The following EXOC4 variants were observed in gnomAD, a reference collection of about 807,000 sequenced individuals.
EXOC4 encodes SEC8-like 1.
A neutral mutation model predicts 107.2 loss-of-function variants in EXOC4; 71 were observed. That is an observed-to-expected ratio of 0.66 (90% confidence interval 0.55 to 0.81). The LOEUF is 0.81. EXOC4 is among the 30% of genes least tolerant of loss of function. The pLI, the probability that EXOC4 is intolerant of heterozygous loss-of-function variation, is 0.00. For missense variants in EXOC4, 1,108 were observed against 1,189.6 expected (o/e 0.93, Z 1.01); for synonymous variants, 456 against 441.2 (o/e 1.03, Z -0.42).
chr7:133,588,998 G>A (rs1334195531), intron 9 of EXOC4, among the ~76,000 whole-genome samples: 13 of 151,758 alleles, frequency 8.6e-5, no homozygotes, highest in Admixed American at 7.9e-4. Context: ...ACACACAAAG[G>A]GGACTTCAAA....
At chr7:133,526,964 C>T (rs990057059) in intron 9 of EXOC4, among the ~76,000 whole-genome samples, 2 of 151,212 alleles carry the variant, frequency 1.3e-5, no homozygotes, top group Non-Finnish European at 2.9e-5. Flanking sequence ...GAGCGAGACT[C>T]CGTCTCAAAA....
rs756191473 is a variant in EXOC4 at position 133,997,646 on chromosome 7, C to G, written c.2348+13C>G. ...ATCTGGAAGTGAGGTATGATACAGC[C>G]AAGCCCAGGACCTTGCAATTTGAAT... On this transcript the variant is annotated intron_variant, in intron 15 of 17. Coordinates refer to ENST00000253861, the MANE Select transcript of EXOC4 (RefSeq NM_021807.4). The G allele has an allele frequency of 6.2e-7, 1 of 1,611,354 alleles. No homozygotes were observed. Among genetic ancestry groups the G allele is most frequent in the East Asian group, 2.2e-5 (1 of 44,794 alleles).
intron 1 of EXOC4, among the ~76,000 whole-genome samples, chr7:133,257,269 T>G (rs1562990927): frequency 6.6e-6 from 1 of 152,144 alleles, no homozygotes; most frequent in Non-Finnish European, 1.5e-5. Context: ...TACGTGCTGA[T>G]GTGTGATGTA....
chr7:134,025,108 TC>T (rs754690026), intron 17 of EXOC4, among the ~76,000 whole-genome samples: 108 of 152,314 alleles, frequency 7.1e-4, no homozygotes, highest in Non-Finnish European at 1.3e-3. Context: ...TTTCAATAAT[TC>T]CTTCTCTGCA....
At chr7:134,051,119 T>C (rs1795775821) in intron 17 of EXOC4, among the ~76,000 whole-genome samples, 1 of 152,184 alleles carries the variant, frequency 6.6e-6, no homozygotes, top group South Asian at 2.1e-4. Flanking sequence ...ATTCAGTGGC[T>C]AGGGAGGCCA....
intron 5 of EXOC4, among the ~76,000 whole-genome samples, chr7:133,332,309 G>A (rs1362190627): frequency 1.3e-5 from 2 of 152,150 alleles, no homozygotes; most frequent in African/African-American, 4.8e-5. Context: ...ATTCCATAAA[G>A]TGTTGCTCTG....
At chr7:134,064,065 C>G (rs924669457) in intron 17 of EXOC4, among the ~76,000 whole-genome samples, 2 of 152,144 alleles carry the variant, frequency 1.3e-5, no homozygotes, top group African/African-American at 4.8e-5. Flanking sequence ...TGCGGCCTCC[C>G]TGGGTCCTCA....
chr7:133,464,810 G>GTTTTTTTTTTTTTTTTTTTTT (rs1491525276), intron 7 of EXOC4, among the ~76,000 whole-genome samples: 1 of 105,670 alleles, frequency 9.5e-6, no homozygotes, highest in African/African-American at 3.6e-5. Flanking sequence ...TGGTTGGGTT[G>GTTTTTTTTTTTTTTTTTTTTT]GTTTTTTTTT....
intron 14 of EXOC4, among the ~76,000 whole-genome samples, chr7:133,951,582 CT>C (rs1800692294): frequency 6.6e-6 from 1 of 152,202 alleles, no homozygotes; most frequent in Non-Finnish European, 1.5e-5. Flanking sequence ...TTATTTCCCC[CT>C]ACTCCTGTCC....
chr7:133,405,036 T>C (rs1402194961), intron 7 of EXOC4, among the ~76,000 whole-genome samples: 1 of 152,102 alleles, frequency 6.6e-6, no homozygotes, highest in Admixed American at 6.5e-5. Flanking sequence ...ATCATGCTAC[T>C]CTACTCCAGC....
chr7:134,010,200 CA>C (rs1202959506), intron 17 of EXOC4: 9 of 152,204 alleles, frequency 5.9e-5, no homozygotes, highest in African/African-American at 2.2e-4. Context: ...GTGCCTCTAC[CA>C]AAGTAAGTGT....
the EXOC4 span, among the ~76,000 whole-genome samples, chr7:134,075,628 C>G: frequency 6.6e-6 from 1 of 152,162 alleles, no homozygotes; most frequent in Non-Finnish European, 1.5e-5. Flanking sequence ...TGGGTCCCTC[C>G]CACCACACGT....
At chr7:133,424,298 C>T (rs980853460) in intron 7 of EXOC4, among the ~76,000 whole-genome samples, 1 of 152,206 alleles carries the variant, frequency 6.6e-6, no homozygotes, top group South Asian at 2.1e-4. Context: ...AGTTGTGCAC[C>T]TTCACTCCTG....
chr7:133,591,719 TGA>T (rs1801551816), intron 9 of EXOC4, among the ~76,000 whole-genome samples: 1 of 152,122 alleles, frequency 6.6e-6, no homozygotes, highest in East Asian at 1.9e-4. Flanking sequence ...TCTGCAGAAG[TGA>T]GTTTCTTCAG....
chr7:133,628,790 T>C (rs1407791841), intron 9 of EXOC4, among the ~76,000 whole-genome samples: 3 of 152,138 alleles, frequency 2.0e-5, no homozygotes, highest in Non-Finnish European at 4.4e-5. Flanking sequence ...TAAGGACCAT[T>C]TGAGGAAAGA....
At chr7:133,294,034 C>T (rs540310468) in intron 3 of EXOC4, among the ~76,000 whole-genome samples, 1 of 152,262 alleles carries the variant, frequency 6.6e-6, no homozygotes, top group East Asian at 1.9e-4. Context: ...GCCAGTGAAG[C>T]GTGTTTCAAA....
intron 10 of EXOC4, among the ~76,000 whole-genome samples, chr7:133,713,645 G>A (rs1232988689): frequency 2.6e-5 from 4 of 152,184 alleles, no homozygotes; most frequent in South Asian, 2.1e-4. Flanking sequence ...GGAGAGACCA[G>A]GTGGAGGTAA....
chr7:133,283,621 A>T (rs1447847009), intron 2 of EXOC4, among the ~76,000 whole-genome samples: 1 of 151,972 alleles, frequency 6.6e-6, no homozygotes, highest in Admixed American at 6.6e-5. Flanking sequence ...TGTATTTTCC[A>T]TCTTTATTGA....
chr7:133,513,062 G>A (rs1025052705), intron 9 of EXOC4, among the ~76,000 whole-genome samples: 5 of 152,058 alleles, frequency 3.3e-5, no homozygotes, highest in East Asian at 1.9e-4. Flanking sequence ...CCGAGATCGC[G>A]CCACTGCACT....
Sources: gnomAD v4.1 joint callset for allele counts (sites outside exome capture counted in the v4.1 genomes callset) on GRCh38, gnomAD v4.1.1 for gene constraint, MANE v1.5 for transcripts, NCBI Gene and HGNC (gene_info 2026-07-23, HGNC 2026-07-21) for gene names.